Variants in ZNF787 observed in about 807,000 individuals in gnomAD.
ZNF787 encodes zinc finger protein 787.
A neutral mutation model predicts 16.9 loss-of-function variants in ZNF787; 7 were observed. That is an observed-to-expected ratio of 0.42 (90% confidence interval 0.24 to 0.78). The LOEUF (loss-of-function observed/expected upper bound fraction) is 0.78. Ranked by LOEUF, ZNF787 falls within the 30% of genes least tolerant of loss-of-function variation. The pLI is 0.30. For missense variants in ZNF787, 551 were observed against 589.3 expected (o/e 0.94, Z 0.67); for synonymous variants, 345 against 270.9 (o/e 1.27, Z -2.69).
intron 1 of ZNF787, among the ~76,000 whole-genome samples, chr19:56,111,590 G>A (rs2123425022): frequency 6.6e-6 from 1 of 152,248 alleles, no homozygotes; most frequent in East Asian, 1.9e-4. Context: ...GGCAGCAGAG[G>A]AGGGGTAAGG....
intron 1 of ZNF787, among the ~76,000 whole-genome samples, chr19:56,119,582 C>T (rs182116619): frequency 4.9e-4 from 74 of 151,634 alleles, no homozygotes; most frequent in African/African-American, 1.7e-3. Flanking sequence ...TGAAGTTACT[C>T]GTCTAAGGCC....
chr19:56,099,519 T>C (rs974431381), intron 2 of ZNF787, among the ~76,000 whole-genome samples: 4 of 152,096 alleles, frequency 2.6e-5, no homozygotes, highest in Non-Finnish European at 5.9e-5. Flanking sequence ...AAGACCATCC[T>C]GGCCAACACG....
At chr19:56,089,409 C>A (rs1431201773) in intron 2 of ZNF787, among the ~76,000 whole-genome samples, 2 of 152,114 alleles carry the variant, frequency 1.3e-5, no homozygotes, top group Non-Finnish European at 2.9e-5. Flanking sequence ...CCACGGAAGG[C>A]TCCCAGAAAA....
chr19:56,119,353 T>A (rs2030223196), intron 1 of ZNF787, among the ~76,000 whole-genome samples: 1 of 152,086 alleles, frequency 6.6e-6, no homozygotes, highest in South Asian at 2.1e-4. Context: ...AAATTGAACC[T>A]GGGAAAAGGG....
intron 1 of ZNF787, among the ~76,000 whole-genome samples, chr19:56,112,173 T>A (rs2029998517): frequency 6.6e-6 from 1 of 152,052 alleles, no homozygotes. Context: ...CTGACCCAGC[T>A]CTCAGGGTCC....
At chr19:56,119,948 G>C (rs8103672) in intron 1 of ZNF787, among the ~76,000 whole-genome samples, 119,754 of 152,146 alleles carry the variant, frequency 0.79, 48,399 homozygotes, top group South Asian at 0.94. Flanking sequence ...TAAGCACTGC[G>C]CAACATGGGA....
chr19:56,096,262 T>TAAAAAAATAAAAAAATAAAAAAATA (rs1555776030), intron 2 of ZNF787, among the ~76,000 whole-genome samples: 1 of 138,656 alleles, frequency 7.2e-6, no homozygotes, highest in Non-Finnish European at 1.5e-5. Flanking sequence ...ATAAAAAAAA[T>TAAAAAAATAAAAAAATAAAAAAATA]AAAAAAACTA....
chr19:56,117,048 T>C (rs57799124), intron 1 of ZNF787, among the ~76,000 whole-genome samples: 3 of 152,072 alleles, frequency 2.0e-5, no homozygotes, highest in Non-Finnish European at 2.9e-5. Context: ...CAGGGCAGGG[T>C]GGGATCTGGC....
chr19:56,097,803 C>A (rs1985927001), intron 2 of ZNF787, among the ~76,000 whole-genome samples: 1 of 152,184 alleles, frequency 6.6e-6, no homozygotes, highest in Non-Finnish European at 1.5e-5. Context: ...GCCCAGGGGA[C>A]ACACAGCACC....
At chr19:56,092,710 G>C (rs1599940796) in intron 2 of ZNF787, among the ~76,000 whole-genome samples, 2 of 152,180 alleles carry the variant, frequency 1.3e-5, no homozygotes, top group South Asian at 4.1e-4. Context: ...AGACGCAGGG[G>C]ATGGCGGGAG....
At chr19:56,109,364 C>A (rs2029914479) in intron 1 of ZNF787, among the ~76,000 whole-genome samples, 1 of 152,012 alleles carries the variant, frequency 6.6e-6, no homozygotes, top group South Asian at 2.1e-4. Flanking sequence ...TTTCTTCCTG[C>A]AAGCAGATGA....
At chr19:56,110,726 C>T (rs1030474197) in intron 1 of ZNF787, among the ~76,000 whole-genome samples, 3 of 152,234 alleles carry the variant, frequency 2.0e-5, no homozygotes, top group Non-Finnish European at 2.9e-5. Flanking sequence ...CCTCCACCTC[C>T]GGCCAGCTTC....
intron 1 of ZNF787, among the ~76,000 whole-genome samples, chr19:56,115,333 C>T (rs1327985093): frequency 6.6e-6 from 1 of 150,876 alleles, no homozygotes; most frequent in African/African-American, 2.4e-5. Context: ...AGAGGCCGGC[C>T]GCGGCACGTT....
intron 1 of ZNF787, chr19:56,105,271 C>T (rs916543012): frequency 4.6e-5 from 7 of 152,194 alleles, no homozygotes; most frequent in Non-Finnish European, 8.8e-5. Context: ...GGCAGGGCCG[C>T]CAGGTGGAGC....
intron 1 of ZNF787, among the ~76,000 whole-genome samples, chr19:56,108,316 A>C (rs1200928245): frequency 2.3e-4 from 1 of 4,416 alleles, no homozygotes; most frequent in African/African-American, 1.2e-3. Context: ...CCCACCACCC[A>C]GCCCCTGCCC....
At chr19:56,117,165 CA>C (rs1474628065) in intron 1 of ZNF787, among the ~76,000 whole-genome samples, 2 of 152,204 alleles carry the variant, frequency 1.3e-5, no homozygotes, top group Non-Finnish European at 2.9e-5. Flanking sequence ...TGGAGATGCC[CA>C]GTAAACACAG....
chr19:56,098,463 G>A (rs912149029), intron 2 of ZNF787, among the ~76,000 whole-genome samples: 6 of 150,814 alleles, frequency 4.0e-5, no homozygotes, highest in Non-Finnish European at 5.9e-5. Flanking sequence ...GCCGCAGGGT[G>A]ATTACGGCCG....
intron 2 of ZNF787, among the ~76,000 whole-genome samples, chr19:56,092,873 CAG>C (rs1417938205): frequency 2.7e-5 from 4 of 150,792 alleles, no homozygotes; most frequent in South Asian, 2.1e-4. Flanking sequence ...CCCATAGACA[CAG>C]GGGATGGCGT....
At chr19:56,105,461 G>A (rs1466623443) in intron 1 of ZNF787, 2 of 152,224 alleles carry the variant, frequency 1.3e-5, no homozygotes, top group African/African-American at 4.8e-5. Context: ...GCCAGTTACG[G>A]ATCTCTTTGT....
Sources: allele counts gnomAD v4.1 joint callset (sites outside exome capture counted in the v4.1 genomes callset), GRCh38; gene constraint gnomAD v4.1.1; transcripts MANE v1.5; gene names NCBI Gene and HGNC (gene_info 2026-07-23, HGNC 2026-07-21).